Variants in MGAT4C observed in about 807,000 individuals in gnomAD.
MGAT4C encodes the protein MGAT4 family member C.
Under a neutral mutation model 40.1 loss-of-function variants are expected in MGAT4C, and 19 were observed. That is an observed-to-expected ratio of 0.47 (90% CI 0.33 to 0.70). The LOEUF is 0.70. MGAT4C is among the 30% of genes least tolerant of loss of function. The pLI, the probability that MGAT4C is intolerant of heterozygous loss-of-function variation, is 0.02. For synonymous variants in MGAT4C, 181 were observed against 187.1 expected (o/e 0.97, Z 0.27); for missense variants, 491 against 563.2 (o/e 0.87, Z 1.30).
At chr12:86,320,574 A>G (rs1254582283) in intron 4 of MGAT4C, among the ~76,000 whole-genome samples, 1 of 152,158 alleles carries the variant, frequency 6.6e-6, no homozygotes, top group Non-Finnish European at 1.5e-5. Flanking sequence ...ATGGTCATAG[A>G]TGTACTATAG....
At chr12:86,109,805 TG>T (rs1485879568) in intron 1 of MGAT4C, among the ~76,000 whole-genome samples, 2 of 151,876 alleles carry the variant, frequency 1.3e-5, no homozygotes, top group Non-Finnish European at 2.9e-5. Context: ...ACACTTGTGG[TG>T]GATGCATATG....
chr12:86,682,509 T>C (rs910675584), intron 2 of MGAT4C, among the ~76,000 whole-genome samples: 1 of 152,118 alleles, frequency 6.6e-6, no homozygotes, highest in African/African-American at 2.4e-5. Flanking sequence ...GTAGGTGGTA[T>C]TATTTGGCTA....
At chr12:86,283,404 T>C (rs1252434139) in intron 4 of MGAT4C, among the ~76,000 whole-genome samples, 2 of 151,930 alleles carry the variant, frequency 1.3e-5, no homozygotes, top group Non-Finnish European at 2.9e-5. Flanking sequence ...AGTTATATTA[T>C]ATATAAATAA....
chr12:86,331,664 C>T lies in MGAT4C; in HGVS notation c.-57+2401G>A, dbSNP rs147063157. On this transcript the variant is annotated intron_variant, in intron 4 of 7. Coordinates refer to the MGAT4C transcript ENST00000548651. Reference sequence around the variant, plus strand: ...AGTTTAACAACTGCCTGATCATAACCTGATCGTCTCCTGGCATTCCTGGTG... The same window carrying T: ...AGTTTAACAACTGCCTGATCATAACTTGATCGTCTCCTGGCATTCCTGGTG... Among the ~76,000 whole-genome samples the T allele has an allele frequency of 2.2e-3, 333 of 152,264 alleles. 2 individuals are homozygous for T. The highest frequency in any genetic ancestry group is 7.6e-3 in the African/African-American group (315 of 41,552).
chr12:86,600,860 C>T (rs1178794325), intron 2 of MGAT4C, among the ~76,000 whole-genome samples: 1 of 152,232 alleles, frequency 6.6e-6, no homozygotes, highest in Non-Finnish European at 1.5e-5. Context: ...AAAGCCCCCG[C>T]CTCCACAGGC....
intron 1 of MGAT4C, among the ~76,000 whole-genome samples, chr12:86,750,038 C>T (rs1246994875): frequency 6.6e-6 from 1 of 151,724 alleles, no homozygotes; most frequent in Non-Finnish European, 1.5e-5. Flanking sequence ...CTCCCTAGTT[C>T]CCATATGACT....
chr12:86,313,115 A>G (rs1954120445), intron 4 of MGAT4C, among the ~76,000 whole-genome samples: 1 of 152,156 alleles, frequency 6.6e-6, no homozygotes, highest in Non-Finnish European at 1.5e-5. Context: ...ATGAATTTGG[A>G]TATTTTCACA....
chr12:86,311,949 G>GCTTT (rs1954088139), intron 4 of MGAT4C, among the ~76,000 whole-genome samples: 1 of 152,086 alleles, frequency 6.6e-6, no homozygotes, highest in South Asian at 2.1e-4. Flanking sequence ...AAGTCATGGG[G>GCTTT]CTTTGCCCAA....
At chr12:86,210,984 T>C (rs928191125) in intron 1 of MGAT4C, among the ~76,000 whole-genome samples, 1 of 151,922 alleles carries the variant, frequency 6.6e-6, no homozygotes, top group African/African-American at 2.4e-5. Flanking sequence ...TGATAGACAG[T>C]GATAAGTATA....
intron 1 of MGAT4C, among the ~76,000 whole-genome samples, chr12:86,187,910 G>A (rs755920572): frequency 6.6e-6 from 1 of 151,922 alleles, no homozygotes; most frequent in Non-Finnish European, 1.5e-5. Flanking sequence ...AAATTCTCTC[G>A]ACAAATCAAA....
intron 1 of MGAT4C, among the ~76,000 whole-genome samples, chr12:86,754,054 C>G (rs1385864763): frequency 6.6e-6 from 1 of 152,156 alleles, no homozygotes; most frequent in African/African-American, 2.4e-5. Flanking sequence ...TTCGTAGTAG[C>G]TCTACTTATA....
intron 2 of MGAT4C, among the ~76,000 whole-genome samples, chr12:86,466,125 C>G (rs1246258630): frequency 6.6e-6 from 1 of 151,884 alleles, no homozygotes; most frequent in Admixed American, 6.6e-5. Flanking sequence ...AGGAGAATCG[C>G]TTGAACCCAG....
At chr12:86,804,528 A>G (rs1359639670) in intron 1 of MGAT4C, among the ~76,000 whole-genome samples, 2 of 151,974 alleles carry the variant, frequency 1.3e-5, no homozygotes, top group Non-Finnish European at 2.9e-5. Context: ...ATTTCTCATT[A>G]TAAGTGCTAT....
intron 2 of MGAT4C, among the ~76,000 whole-genome samples, chr12:86,725,644 G>T (rs1395139944): frequency 2.0e-5 from 3 of 152,022 alleles, no homozygotes; most frequent in Non-Finnish European, 4.4e-5. Flanking sequence ...TTGTATTTCA[G>T]TAGAGATGGG....
At position 86,704,983 on chromosome 12, in the gene MGAT4C, C is replaced by T. The variant is rs376285664; in HGVS notation, c.-229+22226G>A. Reference sequence around the variant, plus strand: ...AATTATAAAGAATTCATCTTTGTAGCCTTTTCTTGGAAAAAGGTGGAGGCA... The same window carrying T: ...AATTATAAAGAATTCATCTTTGTAGTCTTTTCTTGGAAAAAGGTGGAGGCA... On this transcript the variant is annotated intron_variant, in intron 2 of 7. Transcript: ENST00000548651. 2.0e-5 allele frequency among the ~76,000 whole-genome samples: 3 copies of T among 152,160 alleles called. No homozygotes were observed. In the South Asian group the frequency reaches 6.2e-4, roughly 32 times the overall value.
At chr12:86,275,190 T>TTA (rs1320384445) in intron 4 of MGAT4C, among the ~76,000 whole-genome samples, 2 of 152,194 alleles carry the variant, frequency 1.3e-5, no homozygotes, top group Non-Finnish European at 2.9e-5. Context: ...ATTTCACAAA[T>TTA]TATCAGCTGG....
intron 1 of MGAT4C, among the ~76,000 whole-genome samples, chr12:86,764,579 C>T (rs1319731989): frequency 1.4e-5 from 1 of 69,928 alleles, no homozygotes; most frequent in South Asian, 4.7e-4. Flanking sequence ...GGTCCCTGAC[C>T]CCTGACCCCT....
At chr12:86,434,825 T>C (rs1053144980) in intron 3 of MGAT4C, among the ~76,000 whole-genome samples, 1 of 151,906 alleles carries the variant, frequency 6.6e-6, no homozygotes, top group Non-Finnish European at 1.5e-5. Flanking sequence ...CTCTCAGCCA[T>C]GGTATCAGAA....
chr12:85,996,386 G>A (rs545534814), intron 2 of MGAT4C, among the ~76,000 whole-genome samples: 4 of 152,198 alleles, frequency 2.6e-5, no homozygotes, highest in Non-Finnish European at 4.4e-5. Context: ...AAGATACAAC[G>A]GTAGAAATAA....
Sources: gnomAD v4.1 joint callset for allele counts (sites outside exome capture counted in the v4.1 genomes callset) on GRCh38, gnomAD v4.1.1 for gene constraint, MANE v1.5 for transcripts, NCBI Gene and HGNC (gene_info 2026-07-23, HGNC 2026-07-21) for gene names.